LRRC4C: variants seen among roughly 807,000 people sequenced by gnomAD.
The protein encoded by LRRC4C is leucine-rich repeat-containing protein 4C.
Under a neutral mutation model 33.6 loss-of-function variants are expected in LRRC4C, and 5 were observed. The observed-to-expected ratio is 0.15, with a 90% CI of 0.08 to 0.31. LRRC4C has a LOEUF of 0.31. Among genes scored for constraint, LRRC4C ranks in the 10% least tolerant of loss-of-function variants. LRRC4C has a pLI of 1.00. For synonymous variants in LRRC4C, 329 were observed against 302.0 expected (o/e 1.09, Z -0.93); for missense variants, 560 against 796.7 (o/e 0.70, Z 3.58).
chr11:41,178,833 G>A (rs1428779603), intron 1 of LRRC4C, among the ~76,000 whole-genome samples: 1 of 152,154 alleles, frequency 6.6e-6, no homozygotes, highest in Admixed American at 6.6e-5. Flanking sequence ...CTCCCAAGTA[G>A]CTGGGATTAC....
At position 41,119,510 on chromosome 11, in the gene LRRC4C, T is replaced by C. The variant is rs151132890; in HGVS notation, c.-495-185787A>G. Among the ~76,000 whole-genome samples the C allele has an allele frequency of 3.6e-4, 55 of 152,264 alleles. 1 individual carries two copies. Among genetic ancestry groups the C allele is most frequent in the South Asian group, 1.0e-3 (5 of 4,828 alleles). ...CCTAAACCACTTAGGTGGCAGAACA[T>C]TTTTGCTGTTCTGTTTTATAACCTG... On this transcript the variant is annotated intron_variant, in intron 1 of 6. Coordinates refer to ENST00000528697, the MANE Select transcript of LRRC4C (RefSeq NM_001258419.2).
chr11:40,676,763 T>A (rs764579578), intron 2 of LRRC4C, among the ~76,000 whole-genome samples: 1 of 152,170 alleles, frequency 6.6e-6, no homozygotes, highest in Non-Finnish European at 1.5e-5. Context: ...GCACATGGGA[T>A]GGGCTACAAG....
intron 3 of LRRC4C, among the ~76,000 whole-genome samples, chr11:40,499,440 A>G (rs1379216982): frequency 6.6e-6 from 1 of 152,202 alleles, no homozygotes; most frequent in African/African-American, 2.4e-5. Flanking sequence ...AAAAATGGCC[A>G]TGTAATTGAC....
chr11:40,200,321 G>A (rs1196832105), intron 5 of LRRC4C, among the ~76,000 whole-genome samples: 2 of 151,094 alleles, frequency 1.3e-5, no homozygotes, highest in Admixed American at 6.6e-5. Flanking sequence ...CCGAGATCGC[G>A]CCACTGCACT....
intron 5 of LRRC4C, among the ~76,000 whole-genome samples, chr11:40,237,078 C>G (rs1288878965): frequency 5.9e-5 from 9 of 152,146 alleles, no homozygotes; most frequent in Admixed American, 5.2e-4. Context: ...TATATATCAA[C>G]CTACTAAATA....
At chr11:41,281,370 G>C (rs1949673522) in intron 1 of LRRC4C, among the ~76,000 whole-genome samples, 2 of 152,140 alleles carry the variant, frequency 1.3e-5, no homozygotes, top group South Asian at 4.1e-4. Flanking sequence ...AAAGATGCAG[G>C]CAACGTATAA....
intron 1 of LRRC4C, among the ~76,000 whole-genome samples, chr11:41,103,536 G>T (rs1242741849): frequency 1.3e-5 from 2 of 151,872 alleles, no homozygotes. Context: ...ATACCAACTG[G>T]TATAGACATA....
chr11:41,109,008 A>G (rs1368846945), intron 1 of LRRC4C, among the ~76,000 whole-genome samples: 1 of 152,040 alleles, frequency 6.6e-6, no homozygotes, highest in African/African-American at 2.4e-5. Context: ...CTTTTTTGAT[A>G]TTATTTTTTG....
At chr11:40,847,223 C>A (rs1321702565) in intron 2 of LRRC4C, among the ~76,000 whole-genome samples, 1 of 152,062 alleles carries the variant, frequency 6.6e-6, no homozygotes, top group Non-Finnish European at 1.5e-5. Flanking sequence ...TTGTCTTGTG[C>A]CAGTTTTCAA....
intron 3 of LRRC4C, among the ~76,000 whole-genome samples, chr11:40,500,397 T>C (rs1954702486): frequency 6.6e-6 from 1 of 151,096 alleles, no homozygotes; most frequent in African/African-American, 2.4e-5. Flanking sequence ...TTTATAATTA[T>C]TTAAATATAT....
chr11:41,352,430 A>G (rs140927226), intron 1 of LRRC4C, among the ~76,000 whole-genome samples: 362 of 152,286 alleles, frequency 2.4e-3, no homozygotes, highest in African/African-American at 8.4e-3. Flanking sequence ...GGAGACTTCA[A>G]CACCCCACTG....
intron 1 of LRRC4C, among the ~76,000 whole-genome samples, chr11:40,998,564 A>G (rs909510194): frequency 6.6e-6 from 1 of 152,244 alleles, no homozygotes; most frequent in African/African-American, 2.4e-5. Context: ...GGATTACATA[A>G]TTATTCAAAG....
At chr11:40,511,943 C>G (rs564787408) in intron 3 of LRRC4C, among the ~76,000 whole-genome samples, 1 of 151,958 alleles carries the variant, frequency 6.6e-6, no homozygotes, top group African/African-American at 2.4e-5. Flanking sequence ...AAATTACATG[C>G]GTTTTCAGAT....
At chr11:40,504,322 G>A (rs933894351) in intron 3 of LRRC4C, among the ~76,000 whole-genome samples, 2 of 152,090 alleles carry the variant, frequency 1.3e-5, no homozygotes, top group Non-Finnish European at 2.9e-5. Flanking sequence ...TTCCAACAGA[G>A]AGCCACTGGA....
intron 3 of LRRC4C, among the ~76,000 whole-genome samples, chr11:40,570,986 T>G (rs1262084318): frequency 6.6e-6 from 1 of 152,172 alleles, no homozygotes; most frequent in Admixed American, 6.6e-5. Context: ...GTTTAATGTT[T>G]TTTTACTGAT....
intron 3 of LRRC4C, among the ~76,000 whole-genome samples, chr11:40,369,214 G>C (rs1948343631): frequency 6.6e-6 from 1 of 152,140 alleles, no homozygotes. Flanking sequence ...ATATGAGATA[G>C]GGGTTGGAAT....
At chr11:40,853,879 G>A (rs1047660226) in intron 2 of LRRC4C, among the ~76,000 whole-genome samples, 36 of 152,128 alleles carry the variant, frequency 2.4e-4, no homozygotes, top group African/African-American at 8.2e-4. Context: ...AAAAAAGACA[G>A]GTGGTAGAAG....
chr11:41,310,880 A>G (rs1367417185), intron 1 of LRRC4C, among the ~76,000 whole-genome samples: 2 of 152,218 alleles, frequency 1.3e-5, no homozygotes, highest in Non-Finnish European at 2.9e-5. Context: ...CCTGCCTTAT[A>G]AAACCTTTAG....
intron 3 of LRRC4C, among the ~76,000 whole-genome samples, chr11:40,333,045 C>T (rs1946431539): frequency 1.3e-5 from 2 of 152,090 alleles, no homozygotes; most frequent in Admixed American, 1.3e-4. Flanking sequence ...GCACTTATGA[C>T]CCATGCATGT....
Sources: gnomAD v4.1 joint callset for allele counts (sites outside exome capture counted in the v4.1 genomes callset) on GRCh38, gnomAD v4.1.1 for gene constraint, MANE v1.5 for transcripts, NCBI Gene and HGNC (gene_info 2026-07-23, HGNC 2026-07-21) for gene names.